Variants in WDFY4 observed in about 807,000 individuals in gnomAD.
WDFY4 encodes the protein WDFY family member 4.
A neutral mutation model predicts 351.9 loss-of-function variants in WDFY4; 169 were observed. The observed-to-expected ratio is 0.48, with a 90% confidence interval of 0.42 to 0.55. The LOEUF (loss-of-function observed/expected upper bound fraction) is 0.55, where lower values mean the gene tolerates loss of function less well. WDFY4 is among the 20% of genes least tolerant of loss of function. The probability of loss-of-function intolerance (pLI) is 0.00; values close to 1 mark genes in which losing one functional copy is unlikely to be tolerated. For missense variants in WDFY4, 3,803 were observed against 3,935.6 expected (o/e 0.97, Z 0.90); for synonymous variants, 1,622 against 1,574.6 (o/e 1.03, Z -0.71).
rs776528651 is a variant in WDFY4, at chr10:48,805,389, G to C, written c.4614G>C (p.Leu1538=). 13 of 1,549,320 alleles carry C rather than the reference G, an allele frequency of 8.4e-6. No individual in the cohort carries two copies. Among genetic ancestry groups the C allele is most frequent in the Non-Finnish European group, 7.8e-6 (9 of 1,147,036 alleles). ...STIIGILACQ[L]RGHFSTQDLL... ...TCATTGGCATCCTGGCCTGTCAGCT[G>C]AGGGGCCACTTCAGCACCCAGGACT... The change falls in exon 26 of 62, where the codon CTG becomes CTC. Residue 1538 remains leucine, a synonymous_variant. Coordinates refer to ENST00000325239, the MANE Select transcript of WDFY4 (RefSeq NM_001394531.1).
intron 20 of WDFY4, among the ~76,000 whole-genome samples, chr10:48,788,177 G>A (rs779366867): frequency 1.3e-4 from 19 of 151,596 alleles, no homozygotes; most frequent in Non-Finnish European, 2.2e-4. Flanking sequence ...ACAGGCATGC[G>A]CCACCATGCC....
At chr10:48,741,397 G>A (rs546903013) in intron 11 of WDFY4, among the ~76,000 whole-genome samples, 1 of 127,860 alleles carries the variant, frequency 7.8e-6, no homozygotes, top group East Asian at 2.5e-4. Flanking sequence ...AGGTTACATT[G>A]AGCCAAGATC....
At chr10:48,759,490 T>A (rs2065435922) in intron 12 of WDFY4, among the ~76,000 whole-genome samples, 1 of 152,184 alleles carries the variant, frequency 6.6e-6, no homozygotes, top group South Asian at 2.1e-4. Flanking sequence ...GGACTACAGG[T>A]CCTCTGGTCA....
In WDFY4 at chr10:48,982,694, C is replaced by A; in HGVS notation, c.*119C>A. The A allele has an allele frequency of 1.0e-6, 1 of 988,962 alleles. No homozygotes were observed. The highest frequency in any genetic ancestry group is 1.5e-6 in the Non-Finnish European group (1 of 651,830). The allele number at this position is 988,962 out of a possible 1,614,324, so 61.3% of individuals were successfully genotyped here. ...CCAGGGCCTCCTTCCCCACAGTTCTCAAGGAAGGGCCTCTGGCAATCACAG... is the reference window on the plus strand; with the variant it reads ...CCAGGGCCTCCTTCCCCACAGTTCTAAAGGAAGGGCCTCTGGCAATCACAG... On this transcript the variant is annotated 3_prime_UTR_variant, in exon 62 of 62. Coordinates refer to ENST00000325239, the MANE Select transcript of WDFY4 (RefSeq NM_001394531.1).
intron 13 of WDFY4, among the ~76,000 whole-genome samples, chr10:48,761,080 G>A (rs2065487607): frequency 6.6e-6 from 1 of 152,198 alleles, no homozygotes; most frequent in African/African-American, 2.4e-5. Flanking sequence ...ATAAAGGGTT[G>A]GAGGTCAGGG....
intron 10 of WDFY4, among the ~76,000 whole-genome samples, chr10:48,735,558 A>G (rs2064629175): frequency 6.6e-6 from 1 of 152,102 alleles, no homozygotes; most frequent in South Asian, 2.1e-4. Flanking sequence ...CATGTTGTAC[A>G]ATAGATCTCT....
chr10:48,791,244 T>G (rs993531842), intron 23 of WDFY4, among the ~76,000 whole-genome samples: 3 of 152,262 alleles, frequency 2.0e-5, no homozygotes, highest in African/African-American at 4.8e-5. Context: ...CAGAGCAGAC[T>G]GCCAGAGTTT....
chr10:48,966,798 G>T (rs1842104091), intron 55 of WDFY4, 125 bp downstream of exon 55: 4 of 1,294,046 alleles, frequency 3.1e-6, no homozygotes, highest in Non-Finnish European at 4.1e-6. Flanking sequence ...TTGAATGGCT[G>T]CATCTCCAGT....
intron 1 of WDFY4, among the ~76,000 whole-genome samples, chr10:48,698,333 G>A (rs142467242): frequency 1.2e-4 from 18 of 152,312 alleles, no homozygotes; most frequent in African/African-American, 2.9e-4. Context: ...GTTCCCAAGC[G>A]TGCCAGGGCT....
At chr10:48,959,494 C>G (rs78501776) in intron 52 of WDFY4, among the ~76,000 whole-genome samples, 1 of 152,334 alleles carries the variant, frequency 6.6e-6, no homozygotes, top group African/African-American at 2.4e-5. Context: ...CAAGCACTAG[C>G]ACTGCCTGGG....
intron 32 of WDFY4, among the ~76,000 whole-genome samples, chr10:48,817,837 C>A (rs2067675600): frequency 6.6e-6 from 1 of 152,190 alleles, no homozygotes; most frequent in South Asian, 2.1e-4. Context: ...TGGGCCATGA[C>A]TTGTGTGCCC....
intron 32 of WDFY4, among the ~76,000 whole-genome samples, chr10:48,817,831 C>T (rs1282288675): frequency 3.3e-5 from 5 of 152,204 alleles, no homozygotes; most frequent in Admixed American, 1.3e-4. Context: ...GGCCCCTGGG[C>T]CATGACTTGT....
chr10:48,763,260 G>A (rs2065567893), intron 13 of WDFY4, among the ~76,000 whole-genome samples: 1 of 152,186 alleles, frequency 6.6e-6, no homozygotes, highest in Admixed American at 6.5e-5. Context: ...AAGTTGTTTG[G>A]CTTTCTAAGA....
rs144003917 is a variant in WDFY4, at chr10:48,688,568, T to C, written c.-18+3567T>C. Reference sequence around the variant, plus strand: ...TATTTTTATATTGTGTCAATTGTCATTAAAATACATTTTTGGACTGTTGCT... The same window carrying C: ...TATTTTTATATTGTGTCAATTGTCACTAAAATACATTTTTGGACTGTTGCT... On this transcript the variant is annotated intron_variant, in intron 1 of 61. Transcript: ENST00000325239. 6.5e-3 allele frequency among the ~76,000 whole-genome samples: 992 copies of C among 152,334 alleles called. 7 individuals are homozygous for C. The highest frequency in any genetic ancestry group is 0.011 in the Non-Finnish European group (742 of 68,022).
At chr10:48,811,794 T>C in intron 30 of WDFY4, 86 bp downstream of exon 30, 1 of 1,344,096 alleles carries the variant, frequency 7.4e-7, no homozygotes, top group Non-Finnish European at 1.0e-6. Context: ...CCTCTGCACT[T>C]ACCTCCCTCT....
intron 40 of WDFY4, among the ~76,000 whole-genome samples, chr10:48,873,250 G>T (rs1349816556): frequency 2.0e-5 from 3 of 152,216 alleles, no homozygotes; most frequent in African/African-American, 7.2e-5. Flanking sequence ...GGCTCTGAAG[G>T]CCAAAGGGCA....
chr10:48,788,599 C>T lies in WDFY4; in HGVS notation c.3878C>T (p.Ala1293Val). ...AGAGTTTCTTTTGGACTTCACATAG[C>T]CAGCTCCTCTATCACCAGTGTAGCG... Reference protein sequence around the residue: ...EERVSFGLHIASSSITSVADI... With the variant: ...EERVSFGLHIVSSSITSVADI... Residue 1293 changes from alanine (A) to valine (V), a missense_variant, in exon 21 of 62, where the codon GCC becomes GTC. Around this residue, in one of 3 missense-constraint regions of WDFY4, gnomAD observed 3,054 missense variants for 3,148.6 expected, o/e 0.97. Coordinates refer to ENST00000325239, the MANE Select transcript of WDFY4 (RefSeq NM_001394531.1). The T allele has an allele frequency of 6.4e-7, 1 of 1,551,816 alleles. No individual in the cohort carries two copies. Among genetic ancestry groups the T allele is most frequent in the East Asian group, 2.4e-5 (1 of 40,930 alleles).
intron 30 of WDFY4, among the ~76,000 whole-genome samples, chr10:48,812,341 C>G (rs536103966): frequency 4.6e-5 from 7 of 151,976 alleles, no homozygotes; most frequent in Non-Finnish European, 1.0e-4. Flanking sequence ...AGGTATCCAC[C>G]ACCATGCCTG....
chr10:48,771,730 A>G (rs1330857258), intron 13 of WDFY4, among the ~76,000 whole-genome samples: 3 of 152,224 alleles, frequency 2.0e-5, no homozygotes, highest in African/African-American at 7.2e-5. Context: ...GCCCACGTGT[A>G]TCACCTTTAA....
Sources: gnomAD v4.1 joint callset for allele counts (sites outside exome capture counted in the v4.1 genomes callset) on GRCh38, gnomAD v4.1.1 for gene constraint, gnomAD v4.1.1 regional missense constraint, MANE v1.5 for transcripts, NCBI Gene and HGNC (gene_info 2026-07-23, HGNC 2026-07-21) for gene names.